GUCY1A2: variants seen among roughly 807,000 people sequenced by gnomAD.
GUCY1A2 encodes guanylate cyclase soluble subunit alpha-2.
A neutral mutation model predicts 63.5 loss-of-function variants in GUCY1A2; 27 were observed. The observed-to-expected ratio is 0.43, with a 90% CI of 0.31 to 0.59. GUCY1A2 has a LOEUF of 0.59. Among genes scored for constraint, GUCY1A2 ranks in the 20% least tolerant of loss-of-function variants. The pLI, the probability that GUCY1A2 is intolerant of heterozygous loss-of-function variation, is 0.11. For missense variants in GUCY1A2, 768 were observed against 913.3 expected, an observed-to-expected ratio of 0.84 and a Z score of 2.05; for synonymous variants, 364 against 343.5, an observed-to-expected ratio of 1.06 and a Z score of -0.66.
intron 4 of GUCY1A2, among the ~76,000 whole-genome samples, chr11:106,875,436 C>A (rs976107556): frequency 2.9e-4 from 44 of 152,084 alleles, no homozygotes; most frequent in Admixed American, 4.6e-4. Context: ...GGCTTATAAA[C>A]CAAAAGAAAC....
At chr11:106,844,610 T>A (rs1052508008) in intron 4 of GUCY1A2, among the ~76,000 whole-genome samples, 2 of 151,844 alleles carry the variant, frequency 1.3e-5, no homozygotes, top group Non-Finnish European at 2.9e-5. Flanking sequence ...TCACAATCAA[T>A]ATTTATAGGC....
intron 7 of GUCY1A2, among the ~76,000 whole-genome samples, chr11:106,703,067 A>C (rs928131026): frequency 5.3e-5 from 8 of 152,144 alleles, no homozygotes; most frequent in Admixed American, 5.2e-4. Context: ...CAGGCAGAAG[A>C]ACATGGAAAG....
In GUCY1A2 at chr11:106,935,715, T is replaced by C. The variant is rs1230693886; in HGVS notation, c.1206+3745A>G. Among the ~76,000 whole-genome samples the C allele has an allele frequency of 4.0e-5, 6 of 151,864 alleles. No homozygotes were observed. In the East Asian group the frequency reaches 7.8e-4, roughly 20 times the overall value. ...ATACAAAATTAGCTGGGTGTGGTAG[T>C]GCACACCTGTAGTCCCAGCTACTCG... On this transcript the variant is annotated intron_variant, in intron 4 of 7. Coordinates refer to ENST00000526355, the MANE Select transcript of GUCY1A2 (RefSeq NM_000855.3).
At chr11:106,800,853 G>A (rs532000415) in intron 5 of GUCY1A2, among the ~76,000 whole-genome samples, 5 of 151,500 alleles carry the variant, frequency 3.3e-5, no homozygotes, top group South Asian at 2.1e-4. Flanking sequence ...AAACCTGCAC[G>A]TTATGCACAT....
chr11:106,696,390 C>T (rs1862719796), intron 7 of GUCY1A2, among the ~76,000 whole-genome samples: 1 of 152,178 alleles, frequency 6.6e-6, no homozygotes, highest in Non-Finnish European at 1.5e-5. Context: ...TCACATTTTT[C>T]ACTTCTCTGA....
chr11:106,785,626 G>C (rs1337480051), intron 5 of GUCY1A2, among the ~76,000 whole-genome samples: 1 of 151,770 alleles, frequency 6.6e-6, no homozygotes, highest in Non-Finnish European at 1.5e-5. Flanking sequence ...CTACACTTAG[G>C]GGTCAGAAGT....
At chr11:106,796,011 A>G (rs1864752182) in intron 5 of GUCY1A2, among the ~76,000 whole-genome samples, 1 of 152,110 alleles carries the variant, frequency 6.6e-6, no homozygotes, top group Admixed American at 6.6e-5. Context: ...GTGCATATAT[A>G]TTTAGGATAG....
intron 4 of GUCY1A2, among the ~76,000 whole-genome samples, chr11:106,926,209 CAGG>C (rs1021239780): frequency 2.0e-4 from 30 of 152,078 alleles, no homozygotes; most frequent in Non-Finnish European, 3.4e-4. Context: ...CACTTGAGGC[CAGG>C]AGTTCTAGAC....
chr11:106,960,814 G>C (rs539358966), intron 3 of GUCY1A2, among the ~76,000 whole-genome samples: 1 of 152,004 alleles, frequency 6.6e-6, no homozygotes, highest in African/African-American at 2.4e-5. Context: ...AAGAGTTAAG[G>C]AAGAACAAAG....
intron 4 of GUCY1A2, among the ~76,000 whole-genome samples, chr11:106,884,611 G>C (rs948281604): frequency 4.6e-5 from 7 of 152,032 alleles, no homozygotes; most frequent in Non-Finnish European, 7.4e-5. Flanking sequence ...GAAAAGGAAA[G>C]AGTAAAGTTA....
intron 4 of GUCY1A2, among the ~76,000 whole-genome samples, chr11:106,822,130 G>A (rs191158647): frequency 7.9e-4 from 121 of 152,246 alleles, no homozygotes; most frequent in Non-Finnish European, 1.4e-3. Flanking sequence ...TTTTCTAAAG[G>A]AATAATAGAA....
intron 4 of GUCY1A2, among the ~76,000 whole-genome samples, chr11:106,905,612 G>C (rs1860194106): frequency 6.6e-6 from 1 of 152,038 alleles, no homozygotes; most frequent in African/African-American, 2.4e-5. Context: ...CAGAAAAGAA[G>C]CCCAAATAAG....
intron 7 of GUCY1A2, among the ~76,000 whole-genome samples, chr11:106,702,403 ATAAC>A (rs1199468359): frequency 6.6e-6 from 1 of 152,210 alleles, no homozygotes; most frequent in African/African-American, 2.4e-5. Context: ...ATTAAATATT[ATAAC>A]TTCTTGAGTT....
chr11:106,775,790 A>G (rs1864347312), intron 6 of GUCY1A2, among the ~76,000 whole-genome samples: 1 of 146,554 alleles, frequency 6.8e-6, no homozygotes, highest in African/African-American at 2.5e-5. Context: ...AAGATTTCTG[A>G]TTTCAAAGTA....
At chr11:106,840,849 CTT>C (rs1160000852) in intron 4 of GUCY1A2, among the ~76,000 whole-genome samples, 4 of 151,906 alleles carry the variant, frequency 2.6e-5, no homozygotes, top group African/African-American at 7.2e-5. Context: ...AAAAAATAAA[CTT>C]CGGAAAAAAT....
chr11:106,944,955 C>G (rs1345818645), intron 3 of GUCY1A2, among the ~76,000 whole-genome samples: 1 of 151,870 alleles, frequency 6.6e-6, no homozygotes, highest in Non-Finnish European at 1.5e-5. Context: ...GGAACAACCT[C>G]TAAAAACACT....
intron 4 of GUCY1A2, chr11:106,824,070 A>T (rs1409550773): frequency 3.4e-6 from 5 of 1,481,690 alleles, no homozygotes; most frequent in Non-Finnish European, 4.6e-6. Flanking sequence ...CTACAGTTTT[A>T]CAGCTTATGC....
chr11:106,746,373 TC>T (rs1863787738), intron 6 of GUCY1A2, among the ~76,000 whole-genome samples: 1 of 152,104 alleles, frequency 6.6e-6, no homozygotes, highest in Non-Finnish European at 1.5e-5. Context: ...TTACATATGC[TC>T]TAAATAATAT....
At chr11:106,866,506 C>T (rs999719228) in intron 4 of GUCY1A2, among the ~76,000 whole-genome samples, 10 of 152,042 alleles carry the variant, frequency 6.6e-5, no homozygotes, top group Admixed American at 6.6e-4. Flanking sequence ...TGTGCTCAGG[C>T]AGATGCAAGG....
Sources: allele counts gnomAD v4.1 joint callset (sites outside exome capture counted in the v4.1 genomes callset), GRCh38; gene constraint gnomAD v4.1.1; transcripts MANE v1.5; gene names NCBI Gene and HGNC (gene_info 2026-07-23, HGNC 2026-07-21).